Variants in CNNM2 observed in about 807,000 individuals in gnomAD.
CNNM2 encodes cyclin and CBS domain divalent metal cation transport mediator 2.
A neutral mutation model predicts 66.9 loss-of-function variants in CNNM2; 12 were observed. That is an observed-to-expected ratio of 0.18 (90% CI 0.11 to 0.29). The LOEUF is 0.29. CNNM2 is among the 10% of genes least tolerant of loss of function. The pLI is 1.00. For synonymous variants in CNNM2, 557 were observed against 501.8 expected (o/e 1.11, Z -1.47); for missense variants, 705 against 1,167.7 (o/e 0.60, Z 5.77).
chr10:102,931,992 A>G (rs971837645), intron 1 of CNNM2, among the ~76,000 whole-genome samples: 2 of 152,118 alleles, frequency 1.3e-5, no homozygotes, highest in East Asian at 1.9e-4. Context: ...AGAAATGTCT[A>G]TGCAGTTCTT....
At chr10:103,001,554 C>G (rs1360682110) in intron 1 of CNNM2, among the ~76,000 whole-genome samples, 1 of 152,152 alleles carries the variant, frequency 6.6e-6, no homozygotes, top group Non-Finnish European at 1.5e-5. Context: ...AAGAGCTTAT[C>G]TATTTGTAGA....
In CNNM2 at chr10:103,089,695, C is replaced by T; in HGVS notation, c.*12515C>T. 6.2e-7 allele frequency: 1 copy of T among 1,609,712 alleles called. No individual in the cohort carries two copies. Among genetic ancestry groups the T allele is most frequent in the Non-Finnish European group, 8.5e-7 (1 of 1,177,896 alleles). ...CCTTATTCTTCCTCCTCCTCCTCCT[C>T]TTCATCATCATCTTCGTCATGGCAG... On this transcript the variant is annotated 3_prime_UTR_variant, in exon 8 of 8. Transcript: ENST00000369878.
At chr10:102,927,564 G>C (rs1845914482) in intron 1 of CNNM2, 1 of 1,073,448 alleles carries the variant, frequency 9.3e-7, no homozygotes, top group East Asian at 2.6e-5. Flanking sequence ...GTTCCAGACT[G>C]ACAGTCTGGC....
intron 4 of CNNM2, among the ~76,000 whole-genome samples, chr10:103,066,832 C>A (rs934656552): frequency 6.6e-6 from 1 of 152,156 alleles, no homozygotes; most frequent in East Asian, 1.9e-4. Flanking sequence ...CTGTCATCTC[C>A]GACTCCACAG....
intron 4 of CNNM2, 90 bp from the exon 5 acceptor site, chr10:103,068,539 C>T: frequency 2.7e-6 from 3 of 1,095,580 alleles, no homozygotes; most frequent in Non-Finnish European, 2.7e-6. Context: ...AGAAATCAGA[C>T]AAAAATCTAA....
In CNNM2 at chr10:102,918,398, C is replaced by T. The variant is rs527368974; in HGVS notation, c.-83C>T. Reference sequence around the variant, plus strand: ...TGCTGAGCACTGGCCGCGGACGCTCCGTTGCAGTCTCGCCCAGGGGCCGGT... The same window carrying T: ...TGCTGAGCACTGGCCGCGGACGCTCTGTTGCAGTCTCGCCCAGGGGCCGGT... On this transcript the variant is annotated 5_prime_UTR_variant, in exon 1 of 8. Coordinates refer to ENST00000369878, the MANE Select transcript of CNNM2 (RefSeq NM_017649.5). The surrounding 1 kb of genome is among the most constrained non-coding windows in gnomAD (Gnocchi z 4.1). The T allele has an allele frequency of 2.5e-5, 39 of 1,537,788 alleles. No homozygotes were observed. The highest frequency in any genetic ancestry group is 2.3e-4 in the South Asian group (19 of 83,734).
Position 103,089,855 on chromosome 10 carries a change from C to T in CNNM2, c.*12675C>T. On this transcript the variant is annotated 3_prime_UTR_variant, in exon 8 of 8. Transcript: ENST00000369878. ...TGCGGTTCCGGGTGGCAAGAGGAGA[C>T]TCCATCTCATTGATATCTACGTGTG... 14 of 1,614,002 alleles carry T rather than the reference C, an allele frequency of 8.7e-6. No individual in the cohort carries two copies. Among genetic ancestry groups the T allele is most frequent in the Non-Finnish European group, 1.1e-5 (13 of 1,179,968 alleles).
intron 1 of CNNM2, among the ~76,000 whole-genome samples, chr10:102,978,680 G>C (rs2063674752): frequency 2.6e-5 from 4 of 152,140 alleles, no homozygotes; most frequent in Non-Finnish European, 5.9e-5. Context: ...CACATGTTAT[G>C]AGTTTGCAGT....
chr10:102,962,623 C>G (rs2063399889), intron 1 of CNNM2, among the ~76,000 whole-genome samples: 1 of 151,570 alleles, frequency 6.6e-6, no homozygotes, highest in Non-Finnish European at 1.5e-5. Context: ...TGAAATATTA[C>G]ATAGCTATTA....
chr10:102,983,105 G>T (rs1308192355), intron 1 of CNNM2, among the ~76,000 whole-genome samples: 2 of 151,834 alleles, frequency 1.3e-5, no homozygotes, highest in Non-Finnish European at 2.9e-5. Flanking sequence ...GATTTTAATT[G>T]TTAGGACAGG....
Position 102,957,887 on chromosome 10 carries a change from G to T in CNNM2, c.1621+37786G>T, listed in dbSNP as rs561646790. Among the ~76,000 whole-genome samples, 20 of 152,338 alleles carry T rather than the reference G, an allele frequency of 1.3e-4. No homozygotes were observed. The South Asian group carries it at 4.1e-3, about 32-fold the overall frequency. ...TAGAATATAGTACTAAAGGGCAGTT[G>T]CTGTGGGAGAGTTGGAAGTGCTGAG... On this transcript the variant is annotated intron_variant, in intron 1 of 7. Transcript: ENST00000369878.
chr10:102,929,470 A>G (rs1237225152), intron 1 of CNNM2, among the ~76,000 whole-genome samples: 1 of 150,826 alleles, frequency 6.6e-6, no homozygotes, highest in Non-Finnish European at 1.5e-5. Context: ...AAAAGTGACT[A>G]GTTATTGTAG....
At chr10:103,016,736 T>G (rs531961889) in intron 1 of CNNM2, among the ~76,000 whole-genome samples, 2 of 152,314 alleles carry the variant, frequency 1.3e-5, no homozygotes, top group South Asian at 4.1e-4. Flanking sequence ...TTGATGATCC[T>G]TCTATAGTTC....
chr10:102,989,159 GTA>G (rs925106537), intron 1 of CNNM2, among the ~76,000 whole-genome samples: 5 of 152,126 alleles, frequency 3.3e-5, no homozygotes, highest in African/African-American at 1.2e-4. Context: ...ACTGAGTAAC[GTA>G]TGTCTATTTA....
At position 103,086,737 on chromosome 10, in the gene CNNM2, G is replaced by A. The variant is rs1455545624; in HGVS notation, c.*9557G>A. ...TAAAAGTATCTTAGGGTAGCTTGAA[G>A]GGTTTGCGTTATTATTTTAGGTCTC... On this transcript the variant is annotated 3_prime_UTR_variant, in exon 8 of 8. Coordinates refer to ENST00000369878, the MANE Select transcript of CNNM2 (RefSeq NM_017649.5). The A allele has an allele frequency of 6.6e-6, 1 of 152,188 alleles. No homozygotes were observed. The highest frequency in any genetic ancestry group is 1.5e-5 in the Non-Finnish European group (1 of 68,028). 9.4% of individuals were successfully genotyped at this position (152,188 alleles called of 1,614,324 possible). A position where few individuals can be genotyped will look rare whatever the true frequency, so the allele number is the denominator to read the frequency against.
At chr10:103,075,271 C>T (rs935365473) in intron 6 of CNNM2, among the ~76,000 whole-genome samples, 6 of 152,290 alleles carry the variant, frequency 3.9e-5, no homozygotes, top group South Asian at 2.1e-4. Flanking sequence ...AGGGTGGGCA[C>T]ACAGTTCCTA....
At chr10:103,011,682 G>GTGTGTGTGTGTA (rs747928487) in intron 1 of CNNM2, among the ~76,000 whole-genome samples, 230 of 148,348 alleles carry the variant, frequency 1.6e-3, no homozygotes, top group African/African-American at 3.5e-3. Flanking sequence ...GTGTGTGTGT[G>GTGTGTGTGTGTA]TGTATGTATA....
In CNNM2 at chr10:103,035,652, C is replaced by T. The variant is rs7920868; in HGVS notation, c.1622-14055C>T. On this transcript the variant is annotated intron_variant, in intron 1 of 7. Transcript: ENST00000369878. ...CTGGAATTTTCTATTAATTGCCTCA[C>T]TTTGGGTTTCTGGCTAAAGTATCTG... Among the ~76,000 whole-genome samples, 46,880 of 152,030 alleles carry T rather than the reference C, an allele frequency of 0.31. 7,359 individuals are homozygous for T. The highest frequency in any genetic ancestry group is 0.36 in the Middle Eastern group (107 of 294).
In CNNM2 at chr10:103,088,726, G is replaced by C. The variant is rs2066014268; in HGVS notation, c.*11546G>C. 1 of 178,664 alleles carries C rather than the reference G, an allele frequency of 5.6e-6. No individual in the cohort carries two copies. The highest frequency in any genetic ancestry group is 1.2e-5 in the Non-Finnish European group (1 of 83,314). The allele number at this position is 178,664 out of a possible 1,614,324, so 11.1% of individuals were successfully genotyped here. ...TGAAGTGAATTTATTCACACTGATT[G>C]TGCCCTCTACTTTAGTAAGGTTCTG... On this transcript the variant is annotated 3_prime_UTR_variant, in exon 8 of 8. Transcript: ENST00000369878.
Sources: gnomAD v4.1 joint callset for allele counts (sites outside exome capture counted in the v4.1 genomes callset) on GRCh38, gnomAD v4.1.1 for gene constraint, Gnocchi (gnomAD v3.1) non-coding constraint, MANE v1.5 for transcripts, NCBI Gene and HGNC (gene_info 2026-07-23, HGNC 2026-07-21) for gene names.